GAS2: variants seen among roughly 807,000 people sequenced by gnomAD.
GAS2 encodes the protein growth arrest specific 2.
In GAS2, 20 loss-of-function variants were observed where a neutral mutation model predicts 37.5. That is an observed-to-expected ratio of 0.53 (90% confidence interval 0.37 to 0.77). The LOEUF (loss-of-function observed/expected upper bound fraction) is 0.77, where lower values mean the gene tolerates loss of function less well. GAS2 is among the 30% of genes least tolerant of loss of function. GAS2 has a pLI of 0.00. For missense variants in GAS2, 336 were observed against 373.4 expected (o/e 0.90, Z 0.82); for synonymous variants, 144 against 132.2 (o/e 1.09, Z -0.61).
At chr11:22,679,995 CA>C (rs1457915489) in intron 2 of GAS2, among the ~76,000 whole-genome samples, 1 of 152,032 alleles carries the variant, frequency 6.6e-6, no homozygotes, top group Non-Finnish European at 1.5e-5. Context: ...TGTAACATTT[CA>C]TTTTTTTTAG....
chr11:22,683,477 G>A (rs1590627633), intron 2 of GAS2, among the ~76,000 whole-genome samples: 1 of 152,072 alleles, frequency 6.6e-6, no homozygotes, highest in Admixed American at 6.5e-5. Context: ...AGTTAGCCAA[G>A]TTGGTCTTGA....
intron 7 of GAS2, among the ~76,000 whole-genome samples, chr11:22,788,705 A>G (rs1855941932): frequency 6.6e-6 from 1 of 152,174 alleles, no homozygotes; most frequent in Admixed American, 6.5e-5. Context: ...TTATTCCCTC[A>G]TTTATATATT....
intron 7 of GAS2, among the ~76,000 whole-genome samples, chr11:22,789,967 G>C (rs940319925): frequency 2.0e-5 from 3 of 152,056 alleles, no homozygotes; most frequent in South Asian, 4.2e-4. Context: ...ATGGCTCTCC[G>C]GGTCTGTTCT....
intron 3 of GAS2, among the ~76,000 whole-genome samples, chr11:22,704,214 C>G (rs1850988963): frequency 6.6e-6 from 1 of 151,952 alleles, no homozygotes; most frequent in Admixed American, 6.6e-5. Context: ...GTGCCATGTT[C>G]TTTTAGGCAC....
At chr11:22,757,230 A>G (rs1344473671) in intron 7 of GAS2, among the ~76,000 whole-genome samples, 1 of 152,052 alleles carries the variant, frequency 6.6e-6, no homozygotes, top group African/African-American at 2.4e-5. Context: ...TGCATCTGTG[A>G]TTTCAGATGC....
intron 7 of GAS2, among the ~76,000 whole-genome samples, chr11:22,789,457 CTT>C (rs71037529): frequency 6.4e-5 from 2 of 31,410 alleles, no homozygotes; most frequent in African/African-American, 2.5e-4. Flanking sequence ...TATATATATT[CTT>C]TTTTTTTTTT....
intron 1 of GAS2, among the ~76,000 whole-genome samples, chr11:22,649,755 G>A (rs547939649): frequency 6.6e-6 from 1 of 151,956 alleles, no homozygotes. Flanking sequence ...TGTGGGATCG[G>A]TGGTGATATC....
chr11:22,704,163 A>G (rs1850985878), intron 3 of GAS2, among the ~76,000 whole-genome samples: 1 of 152,124 alleles, frequency 6.6e-6, no homozygotes, highest in Non-Finnish European at 1.5e-5. Flanking sequence ...CAAATAAGTC[A>G]TGGATTCTTT....
At position 22,644,661 on chromosome 11, in the gene GAS2, C is replaced by G. The variant is rs528774437; in HGVS notation, c.-21+18848C>G. 2.8e-5 allele frequency among the ~76,000 whole-genome samples: 4 copies of G among 144,898 alleles called. No individual in the cohort carries two copies. In the South Asian group the frequency reaches 9.5e-4, roughly 34 times the overall value. On this transcript the variant is annotated intron_variant, in intron 1 of 5. Coordinates refer to the GAS2 transcript ENST00000528582. ...TTTGAGATAGAGTCTTGCTTTGTCA[C>G]CCAGGCTGCAGTGCAGTGGCATGAT...
At chr11:22,736,036 A>C (rs2134215989) in intron 4 of GAS2, among the ~76,000 whole-genome samples, 1 of 151,816 alleles carries the variant, frequency 6.6e-6, no homozygotes, top group South Asian at 2.1e-4. Flanking sequence ...TCAGAAAAAA[A>C]TTGATGATCT....
At chr11:22,751,943 A>T (rs1458790553) in intron 6 of GAS2, among the ~76,000 whole-genome samples, 1 of 152,026 alleles carries the variant, frequency 6.6e-6, no homozygotes, top group Non-Finnish European at 1.5e-5. Flanking sequence ...ATTTCTCAGG[A>T]GCTTTAAGCC....
In GAS2 at chr11:22,788,646, CT is replaced by C. The variant is rs1590132115; in HGVS notation, c.724-23150del. Among the ~76,000 whole-genome samples the C allele has an allele frequency of 5.3e-5, 8 of 152,202 alleles. No homozygotes were observed. In the East Asian group the frequency reaches 1.5e-3, roughly 29 times the overall value. ...GGGTTTGTACTAATTGGGGACAGAGCTTATGTGATGCTTCATGAATTGCCAG... is the reference window on the plus strand; with the variant it reads ...GGGTTTGTACTAATTGGGGACAGAGCTATGTGATGCTTCATGAATTGCCAG... On this transcript the variant is annotated intron_variant, in intron 7 of 7. Coordinates refer to ENST00000454584, the MANE Select transcript of GAS2 (RefSeq NM_001143830.3).
chr11:22,774,936 G>A (rs938599316), intron 7 of GAS2, among the ~76,000 whole-genome samples: 1 of 151,992 alleles, frequency 6.6e-6, no homozygotes, highest in African/African-American at 2.4e-5. Context: ...CATACAAAAA[G>A]GCCCAGAAGT....
At chr11:22,691,315 T>A (rs927602715) in intron 3 of GAS2, among the ~76,000 whole-genome samples, 5 of 152,140 alleles carry the variant, frequency 3.3e-5, no homozygotes, top group Admixed American at 2.6e-4. Context: ...TACCTCAGGA[T>A]GTTGTTTTGT....
intron 5 of GAS2, among the ~76,000 whole-genome samples, chr11:22,746,258 T>C (rs1439616055): frequency 6.6e-6 from 1 of 152,118 alleles, no homozygotes; most frequent in Non-Finnish European, 1.5e-5. Flanking sequence ...ACTTATACAC[T>C]GTTGGTGGGA....
At chr11:22,808,206 C>T (rs563567280) in intron 7 of GAS2, among the ~76,000 whole-genome samples, 11 of 152,268 alleles carry the variant, frequency 7.2e-5, no homozygotes, top group African/African-American at 2.4e-4. Context: ...AACTATAGCT[C>T]TTATCAAAGG....
intron 6 of GAS2, 58 bp downstream of exon 6, chr11:22,749,319 A>T (rs936424898): frequency 1.4e-6 from 2 of 1,463,946 alleles, no homozygotes; most frequent in Admixed American, 3.8e-5. Flanking sequence ...ACTACAAAAC[A>T]TATTCTGTGC....
chr11:22,782,979 G>T (rs553899372), intron 7 of GAS2, among the ~76,000 whole-genome samples: 85 of 152,056 alleles, frequency 5.6e-4, no homozygotes, highest in Non-Finnish European at 9.6e-4. Context: ...GGGATTGCTG[G>T]GTCAAATAGT....
chr11:22,648,583 A>G (rs1050718151), intron 1 of GAS2, among the ~76,000 whole-genome samples: 20 of 152,148 alleles, frequency 1.3e-4, no homozygotes, highest in Non-Finnish European at 2.4e-4. Context: ...ATTTGTTTGT[A>G]TCCTCTTTTA....
Sources: gnomAD v4.1 joint callset for allele counts (sites outside exome capture counted in the v4.1 genomes callset) on GRCh38, gnomAD v4.1.1 for gene constraint, MANE v1.5 for transcripts, NCBI Gene and HGNC (gene_info 2026-07-23, HGNC 2026-07-21) for gene names.